Variants in LAMA2 observed in about 807,000 individuals in gnomAD.
LAMA2 encodes the protein laminin subunit alpha-2.
In LAMA2, 269 loss-of-function variants were observed where a neutral mutation model predicts 364.8. The ratio of observed to expected loss-of-function variants is 0.74; its 90% CI spans 0.67 to 0.82. The LOEUF (loss-of-function observed/expected upper bound fraction) is 0.82, where lower values mean the gene tolerates loss of function less well. Ranked by LOEUF, LAMA2 falls within the 40% of genes least tolerant of loss-of-function variation. LAMA2 has a pLI of 0.00. For missense variants in LAMA2, 3,807 were observed against 3,873.2 expected (o/e 0.98, Z 0.45); for synonymous variants, 1,379 against 1,370.6 (o/e 1.01, Z -0.14).
intron 40 of LAMA2, among the ~76,000 whole-genome samples, chr6:129,406,712 T>C (rs1276438381): frequency 6.6e-6 from 1 of 152,150 alleles, no homozygotes; most frequent in Non-Finnish European, 1.5e-5. Context: ...GATCAGATTT[T>C]TAAAATTGAT....
chr6:129,465,066 A>G (rs1239671765), intron 50 of LAMA2, 79 bp from the exon 51 acceptor site: 9 of 1,212,142 alleles, frequency 7.4e-6, no homozygotes, highest in African/African-American at 6.0e-5. Context: ...AGACCCTAAC[A>G]TAAACCACAC....
intron 5 of LAMA2, among the ~76,000 whole-genome samples, chr6:129,146,165 T>TTTG (rs1778419681): frequency 6.6e-6 from 1 of 151,860 alleles, no homozygotes; most frequent in Non-Finnish European, 1.5e-5. Context: ...TCTGTTTTTT[T>TTTG]TGTGTGTGTG....
chr6:129,268,711 G>A (rs1001123551), intron 16 of LAMA2, among the ~76,000 whole-genome samples: 1 of 152,038 alleles, frequency 6.6e-6, no homozygotes, highest in African/African-American at 2.4e-5. Flanking sequence ...TCATGAACAG[G>A]GAGATAGGAG....
intron 1 of LAMA2, among the ~76,000 whole-genome samples, chr6:128,975,816 G>A (rs1336595546): frequency 6.6e-6 from 1 of 152,178 alleles, no homozygotes; most frequent in Non-Finnish European, 1.5e-5. Flanking sequence ...GTGGAATTGT[G>A]AGTCAATTAA....
chr6:129,045,493 A>G (rs1221700941), intron 1 of LAMA2, among the ~76,000 whole-genome samples: 1 of 152,208 alleles, frequency 6.6e-6, no homozygotes, highest in Admixed American at 6.5e-5. Context: ...AACTTTGTAC[A>G]TATCATTTAT....
chr6:129,413,794 A>AT (rs1020966922), intron 40 of LAMA2, among the ~76,000 whole-genome samples: 1 of 152,162 alleles, frequency 6.6e-6, no homozygotes, highest in African/African-American at 2.4e-5. Context: ...ACAGTTTGGA[A>AT]TGCAGATATT....
intron 14 of LAMA2, among the ~76,000 whole-genome samples, chr6:129,259,737 A>G (rs1294794133): frequency 6.6e-6 from 1 of 152,066 alleles, no homozygotes; most frequent in Non-Finnish European, 1.5e-5. Flanking sequence ...AATCAAGCTC[A>G]TGGTGTATGG....
chr6:128,934,857 G>A (rs1779714988), intron 1 of LAMA2, among the ~76,000 whole-genome samples: 1 of 152,104 alleles, frequency 6.6e-6, no homozygotes, highest in African/African-American at 2.4e-5. Flanking sequence ...TTGAGTGACT[G>A]CATTGACTCT....
chr6:129,297,797 G>A lies in LAMA2; in HGVS notation c.2969G>A (p.Gly990Glu). 6.2e-7 allele frequency: 1 copy of A among 1,614,036 alleles called. No individual in the cohort carries two copies. The highest frequency in any genetic ancestry group is 2.2e-5 in the East Asian group (1 of 44,876). Residue 990 changes from glycine (G) to glutamate (E), a missense_variant, in exon 21 of 65, where the codon GGA (glycine) becomes GAA (glutamate). Around this residue, in one of 3 missense-constraint regions of LAMA2, gnomAD observed 3,333 missense variants for 3,345.7 expected, o/e 1.00. Transcript: ENST00000421865. ...EESGQCWCQP[G>E]VTGKKCDRCA... is the part of the protein sequence containing the mutation. ...AGTGGACAATGTTGGTGCCAACCTG[G>A]AGTCACAGGGAAGAAATGTGACCGC...
chr6:129,125,277 T>G (rs934139109), intron 4 of LAMA2, among the ~76,000 whole-genome samples: 1 of 152,216 alleles, frequency 6.6e-6, no homozygotes, highest in African/African-American at 2.4e-5. Context: ...AAATGTCTAT[T>G]AGACATTTTG....
intron 43 of LAMA2, among the ~76,000 whole-genome samples, chr6:129,441,281 C>A (rs1445849289): frequency 2.0e-5 from 3 of 152,132 alleles, no homozygotes; most frequent in African/African-American, 7.2e-5. Context: ...ATGCAAAACA[C>A]TTTTTAATCC....
rs17056731 is a variant in LAMA2, at chr6:129,025,440, G to A, written c.113-24478G>A. ...GTTAAGGATTTAAAAAAATAGTGGC[G>A]TGAGAATGGTTATTGCTCTTCAATA... is the stretch of plus-strand genomic sequence containing the variant. On this transcript the variant is annotated intron_variant, in intron 1 of 64. Coordinates refer to ENST00000421865, the MANE Select transcript of LAMA2 (RefSeq NM_000426.4). Among the ~76,000 whole-genome samples, 1,317 of 152,226 alleles carry A rather than the reference G, an allele frequency of 8.7e-3. 15 individuals carry two copies. The highest frequency in any genetic ancestry group is 0.03 in the Admixed American group (461 of 15,292).
chr6:129,190,326 CCTA>C lies in LAMA2; in HGVS notation c.1592_1594del (p.Tyr531del). 1 of 1,613,410 alleles carries C rather than the reference CCTA, an allele frequency of 6.2e-7. No individual in the cohort carries two copies. The highest frequency in any genetic ancestry group is 2.2e-5 in the East Asian group (1 of 44,852). ...GGGGTTTCAAACAGATGTCAGAGTT[CCTA>C]CTGGACCTATGGCAAAGTAAGCAAG... On this transcript the variant is annotated inframe_deletion, in exon 11 of 65. Coordinates refer to ENST00000421865, the MANE Select transcript of LAMA2 (RefSeq NM_000426.4).
intron 29 of LAMA2, among the ~76,000 whole-genome samples, chr6:129,332,223 G>A (rs1014186948): frequency 4.6e-5 from 7 of 152,078 alleles, no homozygotes; most frequent in Non-Finnish European, 8.8e-5. Flanking sequence ...CTGCAGATAT[G>A]TATTACCACT....
At chr6:129,256,964 C>T (rs1025022340) in intron 14 of LAMA2, among the ~76,000 whole-genome samples, 24 of 151,118 alleles carry the variant, frequency 1.6e-4, no homozygotes, top group African/African-American at 4.1e-4. Context: ...ACCAAGACAA[C>T]GTTTCTGAAA....
chr6:129,480,457 T>C (rs546775958), intron 54 of LAMA2, among the ~76,000 whole-genome samples: 1 of 151,992 alleles, frequency 6.6e-6, no homozygotes, highest in South Asian at 2.1e-4. Context: ...CTTCCACATA[T>C]GTAAGAAAAA....
chr6:129,226,525 T>C (rs1216919165), intron 12 of LAMA2, among the ~76,000 whole-genome samples: 2 of 152,136 alleles, frequency 1.3e-5, no homozygotes, highest in South Asian at 4.1e-4. Context: ...AGGGCAGGCC[T>C]GGTGGTGACA....
intron 15 of LAMA2, among the ~76,000 whole-genome samples, chr6:129,262,576 A>T (rs1364596902): frequency 6.6e-6 from 1 of 152,190 alleles, no homozygotes; most frequent in East Asian, 1.9e-4. Flanking sequence ...TCCATAAAAG[A>T]ACTTAATTGA....
At chr6:129,228,334 G>C (rs1042602600) in intron 12 of LAMA2, among the ~76,000 whole-genome samples, 1 of 152,056 alleles carries the variant, frequency 6.6e-6, no homozygotes, top group African/African-American at 2.4e-5. Flanking sequence ...TGCAACCACT[G>C]TCCTGCACCC....
Sources: gnomAD v4.1 joint callset for allele counts (sites outside exome capture counted in the v4.1 genomes callset) on GRCh38, gnomAD v4.1.1 for gene constraint, gnomAD v4.1.1 regional missense constraint, MANE v1.5 for transcripts, NCBI Gene and HGNC (gene_info 2026-07-23, HGNC 2026-07-21) for gene names.